PRSS12: variants seen among roughly 807,000 people sequenced by gnomAD.
PRSS12 encodes neurotrypsin.
Under a neutral mutation model 104.4 loss-of-function variants are expected in PRSS12, and 85 were observed. The ratio of observed to expected loss-of-function variants is 0.81; its 90% CI spans 0.68 to 0.98. The LOEUF (loss-of-function observed/expected upper bound fraction) is 0.98. PRSS12 is among the 50% of genes least tolerant of loss of function. The pLI is 0.00. For synonymous variants in PRSS12, 454 were observed against 425.2 expected, an observed-to-expected ratio of 1.07 and a Z score of -0.83; for missense variants, 1,141 against 1,139.2, an observed-to-expected ratio of 1.00 and a Z score of -0.02.
In PRSS12 at chr4:118,281,997, G is replaced by C; in HGVS notation, c.2567C>G (p.Pro856Arg). ...GGCTGAGACTTTGGTATAAACACCA[G>C]GAGAATCCTTGACTCCACAGCCATA... ...WGYGCGVKDS[P>R]GVYTKVSAFV... The change falls in exon 13 of 13, where the codon CCT becomes CGT. Residue 856 changes from proline (P) to arginine (R), a missense_variant. By Grantham distance (103) the Pro-to-Arg change is moderately radical. Transcript: ENST00000296498. 1 of 1,582,088 alleles carries C rather than the reference G, an allele frequency of 6.3e-7. No individual in the cohort carries two copies.
At chr4:118,289,534 C>T (rs983225176) in intron 11 of PRSS12, among the ~76,000 whole-genome samples, 3 of 152,150 alleles carry the variant, frequency 2.0e-5, no homozygotes, top group Admixed American at 2.0e-4. Flanking sequence ...CCTCTCAGAG[C>T]CCTACTACAT....
chr4:118,343,737 CAAAG>C (rs1419301622), intron 1 of PRSS12, among the ~76,000 whole-genome samples: 1 of 152,104 alleles, frequency 6.6e-6, no homozygotes, highest in Non-Finnish European at 1.5e-5. Flanking sequence ...GCCTGAGCAA[CAAAG>C]AAAGACCCTG....
intron 8 of PRSS12, among the ~76,000 whole-genome samples, chr4:118,300,335 G>A (rs1334377061): frequency 6.6e-6 from 1 of 151,808 alleles, no homozygotes; most frequent in Non-Finnish European, 1.5e-5. Flanking sequence ...TTTTAACGGA[G>A]ACAGAGAAAA....
intron 11 of PRSS12, among the ~76,000 whole-genome samples, chr4:118,283,544 C>T (rs1301152039): frequency 6.6e-6 from 1 of 152,208 alleles, no homozygotes; most frequent in Non-Finnish European, 1.5e-5. Flanking sequence ...CGACTTCACT[C>T]TTGCAAGGTG....
intron 4 of PRSS12, among the ~76,000 whole-genome samples, chr4:118,323,044 G>A (rs1433873893): frequency 6.6e-6 from 1 of 152,066 alleles, no homozygotes; most frequent in East Asian, 1.9e-4. Flanking sequence ...GTCTATGGCT[G>A]CTTTCATGCT....
intron 8 of PRSS12, among the ~76,000 whole-genome samples, chr4:118,299,732 A>AAAAT (rs1743347153): frequency 2.3e-5 from 2 of 88,288 alleles, no homozygotes; most frequent in African/African-American, 7.1e-5. Context: ...AAAATAAAAT[A>AAAAT]AAATAAAATA....
At chr4:118,330,142 C>A (rs1723881121) in intron 4 of PRSS12, among the ~76,000 whole-genome samples, 1 of 152,094 alleles carries the variant, frequency 6.6e-6, no homozygotes, top group South Asian at 2.1e-4. Flanking sequence ...TATAAATTAG[C>A]ATTTAGGTCC....
intron 4 of PRSS12, among the ~76,000 whole-genome samples, chr4:118,323,956 G>C (rs1723699151): frequency 6.6e-6 from 1 of 151,994 alleles, no homozygotes; most frequent in Non-Finnish European, 1.5e-5. Flanking sequence ...CTGGATTCCA[G>C]TGGGACAATC....
Position 118,298,810 on chromosome 4 carries a change from T to C in PRSS12, c.1760A>G (p.His587Arg), listed in dbSNP as rs1353673846. 5.0e-6 allele frequency: 8 copies of C among 1,614,120 alleles called. No individual in the cohort carries two copies. Among genetic ancestry groups the C allele is most frequent in the African/African-American group, 4.0e-5 (3 of 74,952 alleles). The part of the protein sequence containing the change: ...ADCIKQDIGR[H>R]NCRHSEDAGV... ...TGCATCTTCACTGTGGCGGCAGTTG[T>C]GTCTTCCAATATCTTGCTTGATACA... The change falls in exon 9 of 13, where the codon CAC (histidine) becomes CGC (arginine). Residue 587 changes from histidine to arginine, a missense_variant. Transcript: ENST00000296498.
intron 8 of PRSS12, among the ~76,000 whole-genome samples, chr4:118,301,315 T>G (rs1743401831): frequency 6.6e-6 from 1 of 152,188 alleles, no homozygotes; most frequent in South Asian, 2.1e-4. Flanking sequence ...TGAAAACACT[T>G]AAAGTATAGC....
chr4:118,299,755 T>TAAAATA (rs1371033737), intron 8 of PRSS12, among the ~76,000 whole-genome samples: 8 of 81,348 alleles, frequency 9.8e-5, no homozygotes, highest in Non-Finnish European at 1.5e-4. Flanking sequence ...ATAAATAAAA[T>TAAAATA]AAATAAAATT....
At chr4:118,335,223 ATATT>A (rs1271453515) in intron 3 of PRSS12, among the ~76,000 whole-genome samples, 12 of 152,174 alleles carry the variant, frequency 7.9e-5, no homozygotes, top group Non-Finnish European at 1.3e-4. Context: ...TAGAATATAC[ATATT>A]TATTTAAGCA....
intron 1 of PRSS12, among the ~76,000 whole-genome samples, chr4:118,348,416 G>A (rs1450778919): frequency 1.3e-5 from 2 of 152,156 alleles, no homozygotes; most frequent in Non-Finnish European, 2.9e-5. Context: ...CATTTTAGGT[G>A]GGTTCTAATG....
chr4:118,299,080 A>G (rs1578907925), intron 8 of PRSS12, 142 bp from the exon 9 acceptor site: 1 of 957,898 alleles, frequency 1.0e-6, no homozygotes, highest in East Asian at 2.6e-5. Flanking sequence ...TTGTTTCATG[A>G]CTGTCAAAAA....
Position 118,352,337 on chromosome 4 carries a change from A to G in PRSS12, c.384T>C (p.Ala128=), listed in dbSNP as rs1452901731. 1.9e-6 allele frequency: 3 copies of G among 1,584,040 alleles called. No homozygotes were observed. The highest frequency in any genetic ancestry group is 3.6e-5 in the Admixed American group (2 of 56,170). Residue 128 remains alanine, a synonymous_variant, in exon 1 of 13, where the codon GCT becomes GCC. Transcript: ENST00000296498. ...FLERSPPASW[A]QLRGQRHNFC... is the part of the protein sequence containing the mutation. The stretch of plus-strand genomic sequence containing the variant: ...AGTTGTGGCGCTGTCCTCGCAGCTG[A>G]GCCCAGCTCGCTGGGGGCGACCGCT...
Position 118,325,612 on chromosome 4 carries a change from C to T in PRSS12, c.971+6104G>A, listed in dbSNP as rs190830123. ...TGGTACTCAGAACTATGCTGGCTTTCAAGAGAATACCAAAATAATTGATGA... is the reference window on the plus strand; with the variant it reads ...TGGTACTCAGAACTATGCTGGCTTTTAAGAGAATACCAAAATAATTGATGA... On this transcript the variant is annotated intron_variant, in intron 4 of 12. Coordinates refer to ENST00000296498, the MANE Select transcript of PRSS12 (RefSeq NM_003619.4). Among the ~76,000 whole-genome samples the T allele has an allele frequency of 2.5e-3, 383 of 152,122 alleles. 5 individuals carry two copies. The highest frequency in any genetic ancestry group is 4.4e-3 in the Non-Finnish European group (301 of 67,936).
chr4:118,336,913 A>T (rs1200564309), intron 2 of PRSS12, among the ~76,000 whole-genome samples: 1 of 152,236 alleles, frequency 6.6e-6, no homozygotes, highest in African/African-American at 2.4e-5. Flanking sequence ...TTGCCAGACT[A>T]AGTATTCATG....
intron 4 of PRSS12, among the ~76,000 whole-genome samples, chr4:118,327,558 C>G (rs1723807988): frequency 6.6e-6 from 1 of 152,064 alleles, no homozygotes. Context: ...TGAAAGCACC[C>G]TAAAAGGAAA....
rs139833696 is a variant in PRSS12, at chr4:118,282,061, C to T, written c.2503G>A (p.Gly835Arg). Residue 835 changes from glycine (G) to arginine (R), a missense_variant, in exon 13 of 13, where the codon GGA becomes AGA. By Grantham distance (125) the Gly-to-Arg change is moderately radical. Coordinates refer to ENST00000296498, the MANE Select transcript of PRSS12 (RefSeq NM_003619.4). ...SGGPLMCERP[G>R]ESWVVYGVTS... ...ACCCCATACACCACCCAGCTCTCTC[C>T]GGGCCGTTCACACATGAGTGGTCCT... 214 of 1,614,072 alleles carry T rather than the reference C, an allele frequency of 1.3e-4. 1 individual carries two copies. In the Admixed American group the frequency reaches 1.6e-3, roughly 12 times the overall value.
Sources: allele counts gnomAD v4.1 joint callset (sites outside exome capture counted in the v4.1 genomes callset), GRCh38; gene constraint gnomAD v4.1.1; transcripts MANE v1.5; gene names NCBI Gene and HGNC (gene_info 2026-07-23, HGNC 2026-07-21).